NEK1: variants seen among roughly 807,000 people sequenced by gnomAD.
NEK1 encodes the protein serine/threonine-protein kinase Nek1.
NEK1 carries 137 observed loss-of-function variants against 182.1 expected under a neutral mutation model. The ratio of observed to expected loss-of-function variants is 0.75; its 90% CI spans 0.65 to 0.87. NEK1 has a LOEUF of 0.87. Ranked by LOEUF, NEK1 falls within the 40% of genes least tolerant of loss-of-function variation. The pLI is 0.00. For synonymous variants in NEK1, 513 were observed against 492.2 expected (o/e 1.04, Z -0.56); for missense variants, 1,391 against 1,494.4 (o/e 0.93, Z 1.14).
chr4:169,516,219 A>G (rs1755205796), intron 19 of NEK1, among the ~76,000 whole-genome samples: 1 of 71,542 alleles, frequency 1.4e-5, no homozygotes, highest in Non-Finnish European at 2.4e-5. Context: ...ATGATATCTC[A>G]TAGTGGTTTT....
intron 2 of NEK1, among the ~76,000 whole-genome samples, chr4:169,609,781 A>C (rs1772004990): frequency 6.6e-6 from 1 of 152,208 alleles, no homozygotes; most frequent in Admixed American, 6.5e-5. Context: ...TATCTATTCA[A>C]AACAATAAAT....
At chr4:169,593,864 C>A (rs1001814114) in intron 5 of NEK1, among the ~76,000 whole-genome samples, 2 of 152,052 alleles carry the variant, frequency 1.3e-5, no homozygotes, top group Non-Finnish European at 2.9e-5. Context: ...TGGCGGGCGC[C>A]TGTAGTCCTA....
intron 26 of NEK1, among the ~76,000 whole-genome samples, chr4:169,472,319 G>A (rs1007671693): frequency 5.3e-5 from 8 of 152,298 alleles, no homozygotes; most frequent in South Asian, 2.1e-4. Context: ...TCGGAAAAGC[G>A]TAGTATGTGG....
chr4:169,497,140 T>C (rs1469953918), intron 23 of NEK1, among the ~76,000 whole-genome samples: 2 of 152,044 alleles, frequency 1.3e-5, no homozygotes, highest in Non-Finnish European at 2.9e-5. Flanking sequence ...TGGGAGGGTG[T>C]ATGTGTCGAG....
chr4:169,404,707 T>C (rs573991753), intron 32 of NEK1, among the ~76,000 whole-genome samples: 1 of 152,280 alleles, frequency 6.6e-6, no homozygotes, highest in African/African-American at 2.4e-5. Context: ...GTAACATTTG[T>C]CTAAGACAGT....
intron 26 of NEK1, among the ~76,000 whole-genome samples, chr4:169,466,805 T>C (rs1436570808): frequency 6.6e-6 from 1 of 152,070 alleles, no homozygotes; most frequent in African/African-American, 2.4e-5. Context: ...TTTTCTCTTA[T>C]TATTTAAATC....
chr4:169,583,381 G>A (rs1029768511), intron 10 of NEK1, among the ~76,000 whole-genome samples: 2 of 151,996 alleles, frequency 1.3e-5, no homozygotes, highest in African/African-American at 2.4e-5. Flanking sequence ...GCGATATATA[G>A]TAGAAAATAA....
At chr4:169,555,663 T>C in intron 18 of NEK1, 57 bp downstream of exon 18, 2 of 1,606,128 alleles carry the variant, frequency 1.2e-6, no homozygotes, top group East Asian at 4.5e-5. Context: ...CTAAGCTATG[T>C]ATGACAAACG....
rs1738044462 is a variant in NEK1, at chr4:169,434,543, C to CT, written c.2765-879dup. ...CTCAATTAACATCAAGATGTTACCT[C>CT]TGTTTTCTGGCAGTGGCTCATTTTT... On this transcript the variant is annotated intron_variant, in intron 28 of 35. Coordinates refer to ENST00000507142, the MANE Select transcript of NEK1 (RefSeq NM_001199397.3). Among the ~76,000 whole-genome samples the CT allele has an allele frequency of 3.9e-5, 6 of 152,278 alleles. No individual in the cohort carries two copies. In the South Asian group the frequency reaches 1.2e-3, roughly 32 times the overall value.
Position 169,475,502 on chromosome 4 carries a change from A to G in NEK1, c.2434+1622T>C, listed in dbSNP as rs1170647970. Among the ~76,000 whole-genome samples the G allele has an allele frequency of 1.3e-5, 2 of 152,198 alleles. 1 individual carries two copies. The highest frequency in any genetic ancestry group is 2.9e-5 in the Non-Finnish European group (2 of 68,030). On this transcript the variant is annotated intron_variant, in intron 26 of 35. Transcript: ENST00000507142. ...ACTGCATTCTAGAATAAATCTCCAG[A>G]ATAATTACAAAAATAAAAAAATACC...
intron 19 of NEK1, among the ~76,000 whole-genome samples, chr4:169,537,472 A>G (rs377249417): frequency 5.3e-5 from 8 of 151,998 alleles, no homozygotes; most frequent in Admixed American, 4.6e-4. Context: ...CATATTGGGG[A>G]AAAAAAACAT....
chr4:169,461,891 C>T (rs1236918999), intron 27 of NEK1, among the ~76,000 whole-genome samples: 4 of 152,024 alleles, frequency 2.6e-5, no homozygotes, highest in African/African-American at 7.2e-5. Context: ...ATAGTGAACA[C>T]AACTAAGAAG....
In NEK1 at chr4:169,566,655, G is replaced by A. The variant is rs139560917; in HGVS notation, c.1021-4459C>T. Among the ~76,000 whole-genome samples, 97 of 152,276 alleles carry A rather than the reference G, an allele frequency of 6.4e-4. 1 individual carries two copies. The East Asian group carries it at 0.019, about 29-fold the overall frequency. ...ACTTAATGCACATTAGCTTAAATTT[G>A]TGCAATTAAAACATGACAGTATCTT... is the stretch of plus-strand genomic sequence containing the variant. On this transcript the variant is annotated intron_variant, in intron 12 of 35. Transcript: ENST00000507142.
chr4:169,536,935 T>A (rs1391733487), intron 19 of NEK1, among the ~76,000 whole-genome samples: 1 of 152,204 alleles, frequency 6.6e-6, no homozygotes, highest in East Asian at 1.9e-4. Context: ...AAAGGGTAAC[T>A]GTTCAAAAAT....
intron 30 of NEK1, 134 bp from the exon 31 acceptor site, chr4:169,424,934 TG>T (rs1736116183): frequency 3.8e-6 from 3 of 790,494 alleles, no homozygotes; most frequent in Non-Finnish European, 5.8e-6. Context: ...TCAAAATATG[TG>T]TGTCAGTATA....
At chr4:169,502,608 A>C (rs1330375774) in intron 23 of NEK1, among the ~76,000 whole-genome samples, 1 of 152,162 alleles carries the variant, frequency 6.6e-6, no homozygotes, top group Non-Finnish European at 1.5e-5. Flanking sequence ...GATTCCCCAC[A>C]TAAACAGAAT....
intron 4 of NEK1, among the ~76,000 whole-genome samples, chr4:169,600,543 C>T (rs1205190167): frequency 6.6e-6 from 1 of 152,088 alleles, no homozygotes; most frequent in Non-Finnish European, 1.5e-5. Flanking sequence ...ATTCTTGTCA[C>T]TCGTGGTGCA....
At chr4:169,563,065 G>C (rs1035681877) in intron 12 of NEK1, among the ~76,000 whole-genome samples, 2 of 151,966 alleles carry the variant, frequency 1.3e-5, no homozygotes, top group African/African-American at 4.8e-5. Context: ...CTATTCTAAA[G>C]TATTTGGGGG....
At chr4:169,417,705 G>A (rs140697947) in intron 31 of NEK1, among the ~76,000 whole-genome samples, 375 of 152,164 alleles carry the variant, frequency 2.5e-3, no homozygotes, top group African/African-American at 8.9e-3. Flanking sequence ...AGTAATAATG[G>A]CCAGACTTAA....
Sources: gnomAD v4.1 joint callset for allele counts (sites outside exome capture counted in the v4.1 genomes callset) on GRCh38, gnomAD v4.1.1 for gene constraint, MANE v1.5 for transcripts, NCBI Gene and HGNC (gene_info 2026-07-23, HGNC 2026-07-21) for gene names.